FOXP1: variants seen among roughly 807,000 people sequenced by gnomAD.
FOXP1 encodes the protein forkhead box P1.
Under a neutral mutation model 98.2 loss-of-function variants are expected in FOXP1, and 15 were observed. The observed-to-expected ratio is 0.15, with a 90% CI of 0.10 to 0.24. FOXP1 has a LOEUF of 0.24. Among genes scored for constraint, FOXP1 ranks in the 10% least tolerant of loss-of-function variants. The pLI is 1.00. For missense variants in FOXP1, 633 were observed against 848.5 expected (o/e 0.75, Z 3.15); for synonymous variants, 371 against 314.5 (o/e 1.18, Z -1.90).
intron 7 of FOXP1, among the ~76,000 whole-genome samples, chr3:71,064,043 CAA>C (rs1477620890): frequency 2.0e-5 from 3 of 152,076 alleles, no homozygotes; most frequent in Admixed American, 6.6e-5. Flanking sequence ...TACCCCGTGG[CAA>C]TTCCTCAGTC....
chr3:71,499,222 T>G (rs1282009151), intron 2 of FOXP1, among the ~76,000 whole-genome samples: 7 of 152,158 alleles, frequency 4.6e-5, no homozygotes, highest in Non-Finnish European at 8.8e-5. Flanking sequence ...GGCAGCTCTC[T>G]CCACACAACT....
chr3:71,444,076 G>A (rs2086191791), intron 3 of FOXP1, among the ~76,000 whole-genome samples: 1 of 152,196 alleles, frequency 6.6e-6, no homozygotes, highest in Admixed American at 6.5e-5. Flanking sequence ...GCCTCAAAGT[G>A]ATTTCTCTCT....
chr3:71,016,510 T>C (rs1287373729), intron 11 of FOXP1, among the ~76,000 whole-genome samples: 1 of 152,156 alleles, frequency 6.6e-6, no homozygotes, highest in Non-Finnish European at 1.5e-5. Context: ...TAACCTTAAA[T>C]TCCATCAGAT....
At chr3:71,338,790 G>A (rs1398989874) in intron 4 of FOXP1, among the ~76,000 whole-genome samples, 3 of 152,082 alleles carry the variant, frequency 2.0e-5, no homozygotes, top group Admixed American at 6.6e-5. Context: ...CAGAACTTGC[G>A]ATCCAGTGCA....
At chr3:71,288,292 G>A (rs991547859) in intron 5 of FOXP1, 2 of 152,212 alleles carry the variant, frequency 1.3e-5, no homozygotes, top group South Asian at 2.1e-4. Flanking sequence ...TAGAGATAAT[G>A]TGTGTTTTTG....
chr3:71,034,219 T>G (rs576992084), intron 11 of FOXP1, among the ~76,000 whole-genome samples: 38 of 152,306 alleles, frequency 2.5e-4, no homozygotes, highest in Non-Finnish European at 4.4e-4. Context: ...AAGATAGGTC[T>G]GGCCCCAAGC....
In FOXP1 at chr3:71,462,653, G is replaced by A. The variant is rs185426469; in HGVS notation, c.-168+30773C>T. ...TTTAAAAATCAGTGAAGATGTGAGAGGGAAATCATTGCATCTATGTTAGAA... is the reference window on the plus strand; with the variant it reads ...TTTAAAAATCAGTGAAGATGTGAGAAGGAAATCATTGCATCTATGTTAGAA... On this transcript the variant is annotated intron_variant, in intron 3 of 20. Coordinates refer to ENST00000649528, the MANE Select transcript of FOXP1 (RefSeq NM_001349338.3). Among the ~76,000 whole-genome samples the A allele has an allele frequency of 2.0e-5, 3 of 152,288 alleles. No individual in the cohort carries two copies. In the East Asian group the frequency reaches 5.8e-4, roughly 29 times the overall value.
chr3:71,110,310 T>C (rs1031831434), intron 7 of FOXP1, among the ~76,000 whole-genome samples: 1 of 152,218 alleles, frequency 6.6e-6, no homozygotes, highest in Admixed American at 6.5e-5. Flanking sequence ...TCACAAATGA[T>C]ATTCAATACT....
At chr3:71,440,202 A>G (rs533896264) in intron 3 of FOXP1, among the ~76,000 whole-genome samples, 25 of 152,178 alleles carry the variant, frequency 1.6e-4, no homozygotes, top group Non-Finnish European at 3.2e-4. Context: ...TATACTTAAC[A>G]CAACTAAACC....
At chr3:71,511,594 G>A (rs1395872684) in intron 2 of FOXP1, among the ~76,000 whole-genome samples, 1 of 151,982 alleles carries the variant, frequency 6.6e-6, no homozygotes, top group Admixed American at 6.5e-5. Flanking sequence ...TAAATAACCA[G>A]GCCATAAAAA....
chr3:71,572,236 T>TA (rs1480257682), intron 2 of FOXP1: 5 of 152,222 alleles, frequency 3.3e-5, no homozygotes, highest in Admixed American at 6.5e-5. Flanking sequence ...AGCCACTTGA[T>TA]AGATTATTTT....
At chr3:71,471,144 T>C (rs186925658) in intron 3 of FOXP1, among the ~76,000 whole-genome samples, 34 of 152,330 alleles carry the variant, frequency 2.2e-4, no homozygotes, top group Non-Finnish European at 3.8e-4. Flanking sequence ...TACTGTGTGC[T>C]AGATGGTTAC....
chr3:71,023,570 C>A (rs1342581015), intron 11 of FOXP1, among the ~76,000 whole-genome samples: 1 of 152,152 alleles, frequency 6.6e-6, no homozygotes, highest in Admixed American at 6.5e-5. Flanking sequence ...ACAGCTTATA[C>A]AAAATGATCC....
chr3:70,978,595 T>TAGAC (rs1339233915), intron 14 of FOXP1, among the ~76,000 whole-genome samples: 102 of 152,312 alleles, frequency 6.7e-4, no homozygotes, highest in African/African-American at 2.3e-3. Context: ...GCTACCATAC[T>TAGAC]AGACAGCCCA....
chr3:71,323,813 T>C (rs1355662846), intron 4 of FOXP1, among the ~76,000 whole-genome samples: 1 of 152,218 alleles, frequency 6.6e-6, no homozygotes, highest in African/African-American at 2.4e-5. Context: ...TTTTGTTCTA[T>C]TTCCATCTAT....
intron 7 of FOXP1, among the ~76,000 whole-genome samples, chr3:71,105,022 T>C (rs1380388616): frequency 6.6e-6 from 1 of 152,238 alleles, no homozygotes. Flanking sequence ...ACAACCAATC[T>C]GTTGCTTTTA....
intron 12 of FOXP1, among the ~76,000 whole-genome samples, chr3:71,003,717 T>C (rs559240912): frequency 3.9e-5 from 6 of 152,320 alleles, no homozygotes; most frequent in Admixed American, 3.9e-4. Context: ...TGGAGGATTT[T>C]TATCAGCCTC....
intron 3 of FOXP1, among the ~76,000 whole-genome samples, chr3:71,366,180 T>C (rs1367884005): frequency 6.6e-6 from 1 of 152,144 alleles, no homozygotes; most frequent in Non-Finnish European, 1.5e-5. Context: ...GAGACATACA[T>C]ACAGAGAGAT....
chr3:71,104,512 A>T (rs187200275), intron 7 of FOXP1, among the ~76,000 whole-genome samples: 1 of 152,250 alleles, frequency 6.6e-6, no homozygotes, highest in East Asian at 1.9e-4. Flanking sequence ...TTCTTTTGCC[A>T]CACTTAGTCC....
Sources: allele counts gnomAD v4.1 joint callset (sites outside exome capture counted in the v4.1 genomes callset), GRCh38; gene constraint gnomAD v4.1.1; transcripts MANE v1.5; gene names NCBI Gene and HGNC (gene_info 2026-07-23, HGNC 2026-07-21).